Variants in NAPB observed in about 807,000 individuals in gnomAD.
NAPB encodes NSF attachment protein beta, also known as beta-soluble NSF attachment protein.
NAPB carries 26 observed loss-of-function variants against 44.7 expected under a neutral mutation model. The observed-to-expected ratio is 0.58, with a 90% CI of 0.43 to 0.81. The LOEUF is 0.81. Among genes scored for constraint, NAPB ranks in the 30% least tolerant of loss-of-function variants. NAPB has a pLI of 0.00. For synonymous variants in NAPB, 120 were observed against 116.8 expected (o/e 1.03, Z -0.18); for missense variants, 315 against 356.4 (o/e 0.88, Z 0.94).
At chr20:23,398,730 G>C (rs1179799797) in intron 2 of NAPB, among the ~76,000 whole-genome samples, 1 of 151,632 alleles carries the variant, frequency 6.6e-6, no homozygotes, top group Non-Finnish European at 1.5e-5. Flanking sequence ...TATAATCCCA[G>C]CTACTTGGGA....
chr20:23,396,582 A>G (rs1486298047), intron 3 of NAPB, among the ~76,000 whole-genome samples: 1 of 152,208 alleles, frequency 6.6e-6, no homozygotes, highest in East Asian at 1.9e-4. Context: ...TCCTCAAAAC[A>G]AATACTTTGA....
intron 1 of NAPB, among the ~76,000 whole-genome samples, chr20:23,404,059 C>T (rs144799559): frequency 2.5e-3 from 374 of 152,292 alleles, no homozygotes; most frequent in African/African-American, 8.7e-3. Context: ...CTTTACCAAG[C>T]AGCTGATTCC....
Position 23,414,448 on chromosome 20 carries a change from A to G in NAPB, c.98+6857T>C, listed in dbSNP as rs146786677. Among the ~76,000 whole-genome samples, 1,286 of 152,346 alleles carry G rather than the reference A, an allele frequency of 8.4e-3. 19 individuals carry two copies. Among genetic ancestry groups the G allele is most frequent in the African/African-American group, 0.029 (1,206 of 41,568 alleles). ...CGAGGCCTCATATTTACTAATTAAC[A>G]TATAATAACTCTTAAGGAGAAAAAT... is the stretch of plus-strand genomic sequence containing the variant. On this transcript the variant is annotated intron_variant, in intron 1 of 10. Coordinates refer to ENST00000377026, the MANE Select transcript of NAPB (RefSeq NM_022080.3).
chr20:23,402,910 C>T, intron 2 of NAPB, 83 bp downstream of exon 2: 1 of 1,082,088 alleles, frequency 9.2e-7, no homozygotes, highest in Admixed American at 2.0e-5. Flanking sequence ...TAGTCTTGCT[C>T]TTCAAGGGGA....
intron 1 of NAPB, among the ~76,000 whole-genome samples, chr20:23,412,056 G>A (rs1985693413): frequency 2.0e-5 from 3 of 152,186 alleles, no homozygotes; most frequent in Non-Finnish European, 2.9e-5. Context: ...CATTAGAACT[G>A]TCATAACAGC....
Position 23,390,197 on chromosome 20 carries a change from A to AG in NAPB, c.476+11dup, listed in dbSNP as rs763766531. On this transcript the variant is annotated intron_variant, in intron 6 of 10. Transcript: ENST00000377026. ...AAACCCATTAAATCATATTAAGAAA[A>AG]GTAATACTTGCCTGTTGGATTCTTC... 6.2e-7 allele frequency: 1 copy of AG among 1,600,098 alleles called. No homozygotes were observed. The highest frequency in any genetic ancestry group is 1.1e-5 in the South Asian group (1 of 90,646).
chr20:23,416,543 C>T (rs1193563944), intron 1 of NAPB, among the ~76,000 whole-genome samples: 1 of 151,922 alleles, frequency 6.6e-6, no homozygotes, highest in African/African-American at 2.4e-5. Flanking sequence ...AGAACTTGAG[C>T]CTCTACCTGG....
intron 7 of NAPB, among the ~76,000 whole-genome samples, chr20:23,383,078 C>G (rs6106649): frequency 6.8e-6 from 1 of 146,590 alleles, no homozygotes; most frequent in Non-Finnish European, 1.5e-5. Context: ...TTGCTTGAAC[C>G]TGGGAGGCAA....
chr20:23,407,926 C>T (rs1985366551), intron 1 of NAPB, among the ~76,000 whole-genome samples: 2 of 152,162 alleles, frequency 1.3e-5, no homozygotes, highest in South Asian at 4.2e-4. Flanking sequence ...AACTATAGTC[C>T]GTACTATTTT....
intron 1 of NAPB, among the ~76,000 whole-genome samples, chr20:23,406,481 C>CA (rs1297391041): frequency 1.3e-5 from 2 of 151,058 alleles, no homozygotes; most frequent in South Asian, 2.1e-4. Context: ...CCAACACACA[C>CA]AAAAAAAATC....
intron 1 of NAPB, among the ~76,000 whole-genome samples, chr20:23,414,484 G>T (rs188293338): frequency 6.6e-6 from 1 of 152,002 alleles, no homozygotes; most frequent in African/African-American, 2.4e-5. Context: ...GTTTATCTCC[G>T]CAGATATTCA....
intron 8 of NAPB, among the ~76,000 whole-genome samples, 161 bp from the exon 9 acceptor site, chr20:23,380,096 T>C (rs886475993): frequency 6.6e-6 from 1 of 152,276 alleles, no homozygotes; most frequent in South Asian, 2.1e-4. Context: ...CTTTCTATTC[T>C]GAATTTTCCA....
chr20:23,402,386 G>A (rs1984917001), intron 2 of NAPB, among the ~76,000 whole-genome samples: 1 of 152,152 alleles, frequency 6.6e-6, no homozygotes, highest in Non-Finnish European at 1.5e-5. Context: ...TCCCATCTCA[G>A]ACCAATGAAA....
At chr20:23,418,904 G>A (rs928653560) in intron 1 of NAPB, among the ~76,000 whole-genome samples, 9 of 151,784 alleles carry the variant, frequency 5.9e-5, no homozygotes, top group Non-Finnish European at 1.2e-4. Context: ...TTGACATCCC[G>A]CCACTGCAAT....
chr20:23,391,146 C>G (rs1039396057), intron 5 of NAPB, among the ~76,000 whole-genome samples: 3 of 152,088 alleles, frequency 2.0e-5, no homozygotes, highest in Non-Finnish European at 4.4e-5. Flanking sequence ...CCTGTCTCTA[C>G]TAAAAAGATA....
chr20:23,417,051 T>C (rs1986049326), intron 1 of NAPB, among the ~76,000 whole-genome samples: 1 of 152,052 alleles, frequency 6.6e-6, no homozygotes. Context: ...GAAGACAGCA[T>C]TAACCATAAA....
At chr20:23,395,944 T>G (rs868412427) in intron 3 of NAPB, among the ~76,000 whole-genome samples, 1 of 152,252 alleles carries the variant, frequency 6.6e-6, no homozygotes, top group African/African-American at 2.4e-5. Flanking sequence ...GGTAAGCAGA[T>G]GAACAAAAAT....
intron 10 of NAPB, among the ~76,000 whole-genome samples, chr20:23,378,566 C>T (rs979376626): frequency 3.3e-4 from 50 of 149,962 alleles, no homozygotes; most frequent in African/African-American, 1.1e-3. Context: ...CTCAGCCTCC[C>T]GAGTAGCTGG....
At chr20:23,414,178 T>C (rs1397579576) in intron 1 of NAPB, among the ~76,000 whole-genome samples, 1 of 151,956 alleles carries the variant, frequency 6.6e-6, no homozygotes, top group Non-Finnish European at 1.5e-5. Flanking sequence ...AAAAATTAGC[T>C]GGGCATGGTG....
Sources: allele counts gnomAD v4.1 joint callset (sites outside exome capture counted in the v4.1 genomes callset), GRCh38; gene constraint gnomAD v4.1.1; transcripts MANE v1.5; gene names NCBI Gene and HGNC (gene_info 2026-07-23, HGNC 2026-07-21).